SSH2: variants seen among roughly 807,000 people sequenced by gnomAD.
The protein encoded by SSH2 is protein phosphatase Slingshot homolog 2.
In SSH2, 37 loss-of-function variants were observed where a neutral mutation model predicts 135.2. That is an observed-to-expected ratio of 0.27 (90% CI 0.21 to 0.36). The LOEUF (loss-of-function observed/expected upper bound fraction) is 0.36, where lower values mean the gene tolerates loss of function less well. SSH2 is among the 10% of genes least tolerant of loss of function. The pLI is 1.00. For synonymous variants in SSH2, 628 were observed against 646.2 expected, an observed-to-expected ratio of 0.97 and a Z score of 0.43; for missense variants, 1,408 against 1,765.3, an observed-to-expected ratio of 0.80 and a Z score of 3.63.
intron 8 of SSH2, among the ~76,000 whole-genome samples, chr17:29,673,135 T>C (rs2037562114): frequency 1.3e-5 from 2 of 152,182 alleles, no homozygotes; most frequent in Admixed American, 1.3e-4. Flanking sequence ...GTAGAAATAC[T>C]AGGAAGTTAT....
chr17:29,812,838 G>A (rs932550034), intron 2 of SSH2, among the ~76,000 whole-genome samples: 2 of 151,610 alleles, frequency 1.3e-5, no homozygotes, highest in Admixed American at 1.3e-4. Context: ...GCAGTGAGCC[G>A]GGATCACACC....
At chr17:29,797,947 G>T (rs2042186213) in intron 2 of SSH2, among the ~76,000 whole-genome samples, 1 of 151,970 alleles carries the variant, frequency 6.6e-6, no homozygotes, top group Non-Finnish European at 1.5e-5. Context: ...TTTTGGGGGG[G>T]ATTGACATAA....
intron 1 of SSH2, among the ~76,000 whole-genome samples, chr17:29,876,572 T>C (rs535534314): frequency 6.6e-6 from 1 of 152,000 alleles, no homozygotes; most frequent in East Asian, 2.0e-4. Flanking sequence ...ATTTGTCCAT[T>C]TTTGCTTAGG....
At chr17:29,761,883 A>G (rs112849764) in intron 3 of SSH2, among the ~76,000 whole-genome samples, 52 of 129,124 alleles carry the variant, frequency 4.0e-4, no homozygotes, top group African/African-American at 1.2e-3. Context: ...ATATATATAT[A>G]TATATTTTTT....
chr17:29,909,700 A>G (rs906736698), intron 1 of SSH2, among the ~76,000 whole-genome samples: 10 of 152,156 alleles, frequency 6.6e-5, no homozygotes, highest in African/African-American at 2.2e-4. Flanking sequence ...TGAAAAAGTT[A>G]CCAGTATTTG....
intron 1 of SSH2, among the ~76,000 whole-genome samples, chr17:29,865,660 AATTTAACCT>A (rs2065841029): frequency 6.6e-6 from 1 of 152,252 alleles, no homozygotes; most frequent in Non-Finnish European, 1.5e-5. Flanking sequence ...TGGTTTCATT[AATTTAACCT>A]ATAAAAGACA....
chr17:29,841,833 C>T (rs1356375065), intron 2 of SSH2, among the ~76,000 whole-genome samples: 3 of 151,544 alleles, frequency 2.0e-5, no homozygotes, highest in Non-Finnish European at 4.4e-5. Context: ...CTCAAGTGAT[C>T]GTCCCATCTC....
chr17:29,881,528 G>A (rs1278419404), intron 1 of SSH2, among the ~76,000 whole-genome samples: 1 of 151,304 alleles, frequency 6.6e-6, no homozygotes, highest in Non-Finnish European at 1.5e-5. Flanking sequence ...CCGAGACAGA[G>A]TCTTGCTCTG....
chr17:29,917,487 T>C (rs1441718561), intron 1 of SSH2, among the ~76,000 whole-genome samples: 1 of 152,198 alleles, frequency 6.6e-6, no homozygotes, highest in Non-Finnish European at 1.5e-5. Context: ...AAGGCAAAGG[T>C]AATGCCTTAT....
chr17:29,740,173 G>T (rs1002999760), intron 3 of SSH2, among the ~76,000 whole-genome samples: 1 of 152,184 alleles, frequency 6.6e-6, no homozygotes, highest in Non-Finnish European at 1.5e-5. Context: ...GTGAACAAAG[G>T]CTTGCTATGT....
At chr17:29,888,893 C>T (rs2066290787) in intron 1 of SSH2, among the ~76,000 whole-genome samples, 1 of 125,768 alleles carries the variant, frequency 8.0e-6, no homozygotes, top group African/African-American at 3.3e-5. Flanking sequence ...TAGTGCACCA[C>T]TTCACTCCAG....
At chr17:29,761,258 G>A in intron 3 of SSH2, 1 of 1,289,206 alleles carries the variant, frequency 7.8e-7, no homozygotes, top group Non-Finnish European at 1.0e-6. Context: ...CCTCTTGCGG[G>A]CCAACGTGCT....
intron 3 of SSH2, among the ~76,000 whole-genome samples, chr17:29,721,089 T>A (rs1233945768): frequency 2.6e-5 from 4 of 152,214 alleles, no homozygotes; most frequent in Non-Finnish European, 5.9e-5. Context: ...GACGCAATGA[T>A]CCACAGCTCT....
At chr17:29,856,102 T>C in intron 1 of SSH2, 1 of 332,190 alleles carries the variant, frequency 3.0e-6, no homozygotes, top group South Asian at 2.6e-5. Flanking sequence ...ATCCAAAATT[T>C]CTTGGGTGAA....
intron 5 of SSH2, among the ~76,000 whole-genome samples, chr17:29,691,165 A>G (rs958131810): frequency 1.3e-5 from 2 of 152,304 alleles, no homozygotes; most frequent in African/African-American, 4.8e-5. Context: ...AGAAAGCAAC[A>G]TATGATGAAA....
chr17:29,852,795 C>A (rs900899265), intron 1 of SSH2, among the ~76,000 whole-genome samples: 1 of 151,882 alleles, frequency 6.6e-6, no homozygotes, highest in African/African-American at 2.4e-5. Context: ...CGTGATCCAC[C>A]CACCTCGGCC....
intron 1 of SSH2, among the ~76,000 whole-genome samples, chr17:29,897,237 A>C (rs941975010): frequency 2.0e-5 from 3 of 152,136 alleles, no homozygotes; most frequent in Admixed American, 6.6e-5. Flanking sequence ...CGAGCAAAAT[A>C]ACCAGCTAAC....
At chr17:29,723,164 C>T (rs2039879210) in intron 3 of SSH2, among the ~76,000 whole-genome samples, 1 of 152,028 alleles carries the variant, frequency 6.6e-6, no homozygotes, top group Non-Finnish European at 1.5e-5. Context: ...AGATATGGTA[C>T]AATATACTGT....
chr17:29,748,078 A>C (rs1307907205), intron 3 of SSH2, among the ~76,000 whole-genome samples: 1 of 152,242 alleles, frequency 6.6e-6, no homozygotes, highest in East Asian at 1.9e-4. Context: ...TGACTTGAGC[A>C]CATCACTACC....
Sources: gnomAD v4.1 joint callset for allele counts (sites outside exome capture counted in the v4.1 genomes callset) on GRCh38, gnomAD v4.1.1 for gene constraint, MANE v1.5 for transcripts, NCBI Gene and HGNC (gene_info 2026-07-23, HGNC 2026-07-21) for gene names.